Variants in FZR1 observed in about 807,000 individuals in gnomAD.
FZR1 encodes fizzy-related protein homolog.
FZR1 carries 11 observed loss-of-function variants against 63.6 expected under a neutral mutation model. The observed-to-expected ratio is 0.17, with a 90% CI of 0.11 to 0.29. The LOEUF is 0.29. Ranked by LOEUF, FZR1 falls within the 10% of genes least tolerant of loss-of-function variation. FZR1 has a pLI of 1.00. For synonymous variants in FZR1, 328 were observed against 297.9 expected, an observed-to-expected ratio of 1.10 and a Z score of -1.04; for missense variants, 440 against 687.5, an observed-to-expected ratio of 0.64 and a Z score of 4.03.
rs2083162515 is a variant in FZR1 at position 3,526,770 on chromosome 19, G to C, written c.388-210G>C. ...GAGCTCAAAGGCAGGATCACACGGA[G>C]CCTGGCTTGGGTCCCTCGAGAGAGG... On this transcript the variant is annotated intron_variant, in intron 5 of 13. Transcript: ENST00000441788. The surrounding 1 kb of genome is among the most constrained non-coding windows in gnomAD (Gnocchi z 5.4). Among the ~76,000 whole-genome samples, 1 of 151,828 alleles carries C rather than the reference G, an allele frequency of 6.6e-6. No individual in the cohort carries two copies. Among genetic ancestry groups the C allele is most frequent in the African/African-American group, 2.4e-5 (1 of 41,410 alleles).
At chr19:3,529,191 TGG>T (rs2083201693) in intron 7 of FZR1, among the ~76,000 whole-genome samples, 2 of 127,622 alleles carry the variant, frequency 1.6e-5, no homozygotes, top group Non-Finnish European at 3.2e-5. Context: ...GGAGAGCGGA[TGG>T]GAGAGCGGAT....
chr19:3,530,701 G>A, intron 7 of FZR1, 91 bp from the exon 8 acceptor site: 1 of 898,770 alleles, frequency 1.1e-6, no homozygotes, highest in Non-Finnish European at 1.8e-6. Context: ...GATGAGAGTG[G>A]ATGGGTGAGA....
chr19:3,519,496 G>A (rs1213237955), intron 1 of FZR1, among the ~76,000 whole-genome samples: 1 of 152,196 alleles, frequency 6.6e-6, no homozygotes, highest in African/African-American at 2.4e-5. Context: ...CTCGCCGCTT[G>A]GCTCTGGGAC....
Position 3,523,003 on chromosome 19 carries a change from A to C in FZR1, c.14A>C (p.Tyr5Ser). Residue 5 changes from tyrosine (Y) to serine (S), a missense_variant, in exon 2 of 14, where the codon TAT becomes TCT. Around this residue, in one of 5 missense-constraint regions of FZR1, gnomAD observed 200 missense variants for 245.1 expected, o/e 0.82. Coordinates refer to ENST00000441788, the MANE Select transcript of FZR1 (RefSeq NM_016263.4). MDQDYERRLLRQIVI... is the reference protein window; with the variant it reads MDQDSERRLLRQIVI... ...CCCTGCCTCGCCATGGACCAGGACT[A>C]TGAGCGGCGCCTGCTTCGCCAGATC... The C allele has an allele frequency of 6.2e-7, 1 of 1,611,594 alleles. No individual in the cohort carries two copies. The highest frequency in any genetic ancestry group is 8.5e-7 in the Non-Finnish European group (1 of 1,178,800).
intron 1 of FZR1, among the ~76,000 whole-genome samples, chr19:3,510,090 T>C (rs1403446598): frequency 6.6e-6 from 1 of 152,118 alleles, no homozygotes; most frequent in Non-Finnish European, 1.5e-5. Flanking sequence ...AGCATGTCCC[T>C]TCCACCCCAG....
At chr19:3,534,041 A>G (rs1344505057) in intron 12 of FZR1, among the ~76,000 whole-genome samples, 2 of 151,290 alleles carry the variant, frequency 1.3e-5, no homozygotes, top group Non-Finnish European at 2.9e-5. Flanking sequence ...TGGGCAACAT[A>G]GCAAGACCCC....
rs1568235279 is a variant in FZR1 at position 3,526,201 on chromosome 19, T to TCCGCCCTGCAGGCCC, written c.259+21_259+35dup. On this transcript the variant is annotated intron_variant, in intron 4 of 13. Coordinates refer to ENST00000441788, the MANE Select transcript of FZR1 (RefSeq NM_016263.4). The surrounding 1 kb of genome is among the most constrained non-coding windows in gnomAD (Gnocchi z 5.4). ...CGGCAAAGGTTAGGGTCCCAGCCCA[T>TCCGCCCTGCAGGCCC]CCGCCCTGCAGGCCCCCACCCTGCC... 6.2e-7 allele frequency: 1 copy of TCCGCCCTGCAGGCCC among 1,611,894 alleles called. No individual in the cohort carries two copies. Among genetic ancestry groups the TCCGCCCTGCAGGCCC allele is most frequent in the East Asian group, 2.2e-5 (1 of 44,862 alleles).
At chr19:3,513,253 C>T (rs867942456) in intron 1 of FZR1, among the ~76,000 whole-genome samples, 2 of 152,134 alleles carry the variant, frequency 1.3e-5, no homozygotes, top group South Asian at 2.1e-4. Context: ...GGCTGTGTCC[C>T]GGCCCACCCC....
In FZR1 at chr19:3,533,448, G is replaced by A. The variant is rs368116687; in HGVS notation, c.1347+50G>A. 6.2e-6 allele frequency: 7 copies of A among 1,131,612 alleles called. No homozygotes were observed. Among genetic ancestry groups the A allele is most frequent in the South Asian group, 3.7e-5 (3 of 81,044 alleles). The allele number at this position is 1,131,612 out of a possible 1,614,324, so 70.1% of individuals were successfully genotyped here. A position where few individuals can be genotyped will look rare whatever the true frequency, so the allele number is the denominator to read the frequency against. ...GGTGCCCCGGGATTCTGGACAAACT[G>A]CCATGGCCACCCCAGAGCACCCTGT... On this transcript the variant is annotated intron_variant, in intron 12 of 13. Coordinates refer to ENST00000441788, the MANE Select transcript of FZR1 (RefSeq NM_016263.4). This position sits in a 1 kb window ranked among gnomAD's most constrained non-coding sequence, Gnocchi z 4.9.
At chr19:3,523,901 C>T (rs2083126856) in intron 2 of FZR1, among the ~76,000 whole-genome samples, 1 of 152,202 alleles carries the variant, frequency 6.6e-6, no homozygotes. Flanking sequence ...AAGCCTGGGT[C>T]CCGGGACCTG....
intron 1 of FZR1, among the ~76,000 whole-genome samples, chr19:3,507,860 C>T (rs1363618946): frequency 1.3e-5 from 2 of 152,260 alleles, no homozygotes; most frequent in Admixed American, 1.3e-4. Context: ...ACCCGATTGT[C>T]ATTTCCTTCG....
intron 1 of FZR1, among the ~76,000 whole-genome samples, chr19:3,517,329 G>A (rs532225461): frequency 6.6e-6 from 1 of 152,090 alleles, no homozygotes; most frequent in Non-Finnish European, 1.5e-5. Context: ...GGCAAAGGCT[G>A]CAGTAAGCCA....
At chr19:3,522,289 C>G (rs185546007) in intron 1 of FZR1, among the ~76,000 whole-genome samples, 5 of 152,292 alleles carry the variant, frequency 3.3e-5, no homozygotes, top group African/African-American at 1.2e-4. Context: ...ACGTTCTTTG[C>G]GGTCTCCTCA....
chr19:3,512,684 C>G (rs1421360960), intron 1 of FZR1, among the ~76,000 whole-genome samples: 2 of 152,070 alleles, frequency 1.3e-5, no homozygotes, highest in Non-Finnish European at 2.9e-5. Flanking sequence ...GTGGGGGGCT[C>G]ACGTGCTCTG....
At position 3,537,246 on chromosome 19, in the gene FZR1, G is replaced by C. The variant is rs535484066; in HGVS notation, c.*2410G>C. The C allele has an allele frequency of 7.2e-5, 11 of 152,366 alleles. No individual in the cohort carries two copies. The highest frequency in any genetic ancestry group is 1.3e-4 in the Non-Finnish European group (9 of 68,126). The allele number at this position is 152,366 out of a possible 1,614,324, so 9.4% of individuals were successfully genotyped here. On this transcript the variant is annotated 3_prime_UTR_variant, in exon 14 of 14. Coordinates refer to ENST00000441788, the MANE Select transcript of FZR1 (RefSeq NM_016263.4). Reference sequence around the variant, plus strand: ...GTGGAGGGGCCCCAGGGGAGTGTACGTCAGGCTTTGCGGGGCACGGGGGCC... The same window carrying C: ...GTGGAGGGGCCCCAGGGGAGTGTACCTCAGGCTTTGCGGGGCACGGGGGCC...
intron 1 of FZR1, among the ~76,000 whole-genome samples, chr19:3,513,165 G>A (rs1599772626): frequency 6.6e-6 from 1 of 152,090 alleles, no homozygotes; most frequent in African/African-American, 2.4e-5. Flanking sequence ...GTTGGGACCT[G>A]TGAGGGCTGT....
chr19:3,532,884 C>T (rs1000016625), intron 11 of FZR1, among the ~76,000 whole-genome samples: 1 of 152,214 alleles, frequency 6.6e-6, no homozygotes, highest in Non-Finnish European at 1.5e-5. Context: ...CGCAGCCACA[C>T]CTGGCGGCTC....
At chr19:3,528,492 C>T (rs571314914) in intron 7 of FZR1, among the ~76,000 whole-genome samples, 18 of 152,056 alleles carry the variant, frequency 1.2e-4, no homozygotes, top group Non-Finnish European at 2.2e-4. Context: ...CTCCCATCCT[C>T]TGCTCGTCCC....
chr19:3,526,440 G>T lies in FZR1; in HGVS notation c.387+54G>T. The stretch of plus-strand genomic sequence containing the variant: ...GCTGGCTCCCAGTGCAGCCTCCCCG[G>T]CCCCCCACCTCCCAGGCACCAGCTC... On this transcript the variant is annotated intron_variant, in intron 5 of 13. Coordinates refer to ENST00000441788, the MANE Select transcript of FZR1 (RefSeq NM_016263.4). This position sits in a 1 kb window ranked among gnomAD's most constrained non-coding sequence, Gnocchi z 5.4. 6.9e-7 allele frequency: 1 copy of T among 1,440,782 alleles called. No individual in the cohort carries two copies. 89.2% of individuals were successfully genotyped at this position (1,440,782 alleles called of 1,614,324 possible).
Sources: gnomAD v4.1 joint callset for allele counts (sites outside exome capture counted in the v4.1 genomes callset) on GRCh38, gnomAD v4.1.1 for gene constraint, gnomAD v4.1.1 regional missense constraint, Gnocchi (gnomAD v3.1) non-coding constraint, MANE v1.5 for transcripts, NCBI Gene and HGNC (gene_info 2026-07-23, HGNC 2026-07-21) for gene names.